EPHB2: variants seen among roughly 807,000 people sequenced by gnomAD.
EPHB2 encodes ephrin type-B receptor 2.
EPHB2 carries 18 observed loss-of-function variants against 96.4 expected under a neutral mutation model. The observed-to-expected ratio is 0.19, with a 90% confidence interval of 0.13 to 0.28. The LOEUF (loss-of-function observed/expected upper bound fraction) is 0.28. Among genes scored for constraint, EPHB2 ranks in the 10% least tolerant of loss-of-function variants. EPHB2 has a pLI of 1.00. For synonymous variants in EPHB2, 506 were observed against 534.1 expected, an observed-to-expected ratio of 0.95 and a Z score of 0.72; for missense variants, 989 against 1,355.4, an observed-to-expected ratio of 0.73 and a Z score of 4.25.
At chr1:22,720,980 C>T (rs1643450596) in intron 1 of EPHB2, among the ~76,000 whole-genome samples, 4 of 152,034 alleles carry the variant, frequency 2.6e-5, no homozygotes, top group Admixed American at 2.6e-4. Flanking sequence ...CCTCATTTTC[C>T]TTATCAGCGA....
At chr1:22,728,224 TACTG>T (rs1643627102) in intron 1 of EPHB2, among the ~76,000 whole-genome samples, 2 of 150,470 alleles carry the variant, frequency 1.3e-5, no homozygotes, top group South Asian at 2.1e-4. Context: ...AGTAAAAAAT[TACTG>T]AATGAATGAA....
chr1:22,758,940 AATGGATGGATGGATGATGG>A (rs982140520), intron 1 of EPHB2, among the ~76,000 whole-genome samples: 18 of 148,638 alleles, frequency 1.2e-4, no homozygotes, highest in Non-Finnish European at 2.4e-4. Flanking sequence ...TGGGTGGATG[AATGGATGGATGGATGATGG>A]ATGGATGGAT....
intron 3 of EPHB2, among the ~76,000 whole-genome samples, chr1:22,811,965 A>G (rs2817873): frequency 0.31 from 47,638 of 151,978 alleles, 9,668 homozygotes; most frequent in African/African-American, 0.58. Flanking sequence ...CTTGAGCCTA[A>G]GAGGTCGAGG....
Position 22,858,995 on chromosome 1 carries a change from C to A in EPHB2, c.812-4042C>A, listed in dbSNP as rs1023834276. Among the ~76,000 whole-genome samples, 6 of 152,016 alleles carry A rather than the reference C, an allele frequency of 3.9e-5. No individual in the cohort carries two copies. The East Asian group carries it at 1.2e-3, about 29-fold the overall frequency. On this transcript the variant is annotated intron_variant, in intron 3 of 15. Coordinates refer to ENST00000374630, the MANE Select transcript of EPHB2 (RefSeq NM_017449.5). The surrounding 1 kb of genome is among the most constrained non-coding windows in gnomAD (Gnocchi z 7.7). ...GGCACTGTATACAAAAAAATTAGCCCGGCGTGGTGGTGCATGCCTGTAATC... is the reference window on the plus strand; with the variant it reads ...GGCACTGTATACAAAAAAATTAGCCAGGCGTGGTGGTGCATGCCTGTAATC...
At chr1:22,754,786 AG>A (rs1435530063) in intron 1 of EPHB2, among the ~76,000 whole-genome samples, 9 of 6,292 alleles carry the variant, frequency 1.4e-3, no homozygotes, top group Non-Finnish European at 2.7e-3. Context: ...AGCAGAAAAG[AG>A]AGGTCGACAG....
chr1:22,892,887 C>T lies in EPHB2; in HGVS notation c.1432C>T (p.Leu478Phe). ...TTTCTTCTCTGTTCCTCGGCAGGAGCTCAGTGAGTACAACGCCACAGCCAT... is the reference window on the plus strand; with the variant it reads ...TTTCTTCTCTGTTCCTCGGCAGGAGTTCAGTGAGTACAACGCCACAGCCAT... ...DYELQYYEKE[L>F]SEYNATAIKS... The change falls in exon 7 of 16, where the codon CTC (leucine) becomes TTC (phenylalanine). Residue 478 changes from leucine (L) to phenylalanine (F), a missense_variant. Physicochemically the swap from Leu to Phe is conservative, Grantham distance 22 (BLOSUM62 0). Coordinates refer to ENST00000374630, the MANE Select transcript of EPHB2 (RefSeq NM_017449.5). The T allele has an allele frequency of 6.2e-7, 1 of 1,614,226 alleles. No individual in the cohort carries two copies. The highest frequency in any genetic ancestry group is 8.5e-7 in the Non-Finnish European group (1 of 1,180,036).
Position 22,913,703 on chromosome 1 carries a change from C to A in EPHB2, c.*133C>A. 1 of 1,601,518 alleles carries A rather than the reference C, an allele frequency of 6.2e-7. No individual in the cohort carries two copies. The highest frequency in any genetic ancestry group is 8.5e-7 in the Non-Finnish European group (1 of 1,174,402). ...GCCACGGGCCACGGGAAGAACCAAG[C>A]GGTGCCAGCCACGAGACGTCACCAA... is the stretch of plus-strand genomic sequence containing the variant. On this transcript the variant is annotated 3_prime_UTR_variant, in exon 16 of 16. Coordinates refer to ENST00000374630, the MANE Select transcript of EPHB2 (RefSeq NM_017449.5). This position sits in a 1 kb window ranked among gnomAD's most constrained non-coding sequence, Gnocchi z 4.1.
At chr1:22,715,634 A>G (rs6695566) in intron 1 of EPHB2, among the ~76,000 whole-genome samples, 77,136 of 152,152 alleles carry the variant, frequency 0.51, 20,348 homozygotes, top group East Asian at 0.92. Context: ...TTGTAGAATC[A>G]GAAAGCCAGT....
Position 22,917,198 on chromosome 1 carries a change from A to G in EPHB2, c.*3628A>G, listed in dbSNP as rs1243735049. On this transcript the variant is annotated 3_prime_UTR_variant, in exon 16 of 16. Coordinates refer to ENST00000374630, the MANE Select transcript of EPHB2 (RefSeq NM_017449.5). The stretch of plus-strand genomic sequence containing the variant: ...ACCATCTAGGGGCTTCTCTGCCACC[A>G]CCTTGTGAGCAGTTGCTAGCCTCAC... 1 of 152,120 alleles carries G rather than the reference A, an allele frequency of 6.6e-6. No individual in the cohort carries two copies. Among genetic ancestry groups the G allele is most frequent in the African/African-American group, 2.4e-5 (1 of 41,384 alleles). 9.4% of individuals were successfully genotyped at this position (152,120 alleles called of 1,614,324 possible).
chr1:22,765,790 C>T (rs1394907290), intron 1 of EPHB2, among the ~76,000 whole-genome samples: 1 of 152,108 alleles, frequency 6.6e-6, no homozygotes, highest in Non-Finnish European at 1.5e-5. Context: ...CCTAAGGCCT[C>T]AGCTCATGAT....
intron 2 of EPHB2, among the ~76,000 whole-genome samples, chr1:22,782,157 G>A (rs1264867017): frequency 6.6e-6 from 1 of 152,168 alleles, no homozygotes; most frequent in African/African-American, 2.4e-5. Flanking sequence ...CACCAGCTGT[G>A]TGATTTGGGG....
chr1:22,770,068 T>G (rs1644357552), intron 1 of EPHB2, among the ~76,000 whole-genome samples: 1 of 151,912 alleles, frequency 6.6e-6, no homozygotes, highest in African/African-American at 2.4e-5. Flanking sequence ...CTGCTTGGAT[T>G]GGGTGATTTG....
At chr1:22,780,063 G>C (rs1644507397) in intron 1 of EPHB2, among the ~76,000 whole-genome samples, 1 of 152,196 alleles carries the variant, frequency 6.6e-6, no homozygotes, top group Non-Finnish European at 1.5e-5. Flanking sequence ...TTCTCTCTCA[G>C]GGCACCCAGT....
At chr1:22,754,868 A>ATG (rs1222789116) in intron 1 of EPHB2, among the ~76,000 whole-genome samples, 14 of 6,406 alleles carry the variant, frequency 2.2e-3, no homozygotes, top group African/African-American at 9.4e-3. Flanking sequence ...GAGGTGAGGC[A>ATG]AGGGGCAGGT....
rs986700582 is a variant in EPHB2 at position 22,920,353 on chromosome 1, C to A, written c.*6783C>A. On this transcript the variant is annotated 3_prime_UTR_variant, in exon 16 of 16. Coordinates refer to ENST00000374630, the MANE Select transcript of EPHB2 (RefSeq NM_017449.5). The stretch of plus-strand genomic sequence containing the variant: ...AGGAAGCTGCAGGGCCAGGAATTTG[C>A]CTTGGGAGACCCCCACTGAGGAATA... 6.6e-6 allele frequency: 1 copy of A among 152,244 alleles called. No individual in the cohort carries two copies. Among genetic ancestry groups the A allele is most frequent in the Non-Finnish European group, 1.5e-5 (1 of 68,088 alleles). 9.4% of individuals were successfully genotyped at this position (152,244 alleles called of 1,614,324 possible).
chr1:22,738,710 C>G (rs1195509402), intron 1 of EPHB2, among the ~76,000 whole-genome samples: 1 of 152,206 alleles, frequency 6.6e-6, no homozygotes, highest in Non-Finnish European at 1.5e-5. Context: ...TTTACTCATT[C>G]CTTGCATTCA....
chr1:22,749,953 T>G lies in EPHB2; in HGVS notation c.62-31468T>G, dbSNP rs139221484. Among the ~76,000 whole-genome samples the G allele has an allele frequency of 4.4e-3, 664 of 152,316 alleles. 4 individuals carry two copies. The highest frequency in any genetic ancestry group is 0.015 in the African/African-American group (634 of 41,570). On this transcript the variant is annotated intron_variant, in intron 1 of 15. Transcript: ENST00000374630. ...CTTTCTTCTCAAATTTTGAATTTAT[T>G]TATAGTAACAACTGTCATTCATTGA...
rs1437579981 is a variant in EPHB2, at chr1:22,921,465, T to C, written c.*7895T>C. 6.6e-6 allele frequency: 1 copy of C among 152,122 alleles called. No homozygotes were observed. The highest frequency in any genetic ancestry group is 1.5e-5 in the Non-Finnish European group (1 of 68,006). 9.4% of individuals were successfully genotyped at this position (152,122 alleles called of 1,614,324 possible). A position where few individuals can be genotyped will look rare whatever the true frequency, so the allele number is the denominator to read the frequency against. ...TGTAGGAGTATTTTTAGCAGAACCG[T>C]TTTTTTCCCAAAATAAATGTGAATT... is the stretch of plus-strand genomic sequence containing the variant. On this transcript the variant is annotated 3_prime_UTR_variant, in exon 16 of 16. Transcript: ENST00000374630.
chr1:22,769,033 A>G (rs1644343873), intron 1 of EPHB2, among the ~76,000 whole-genome samples: 1 of 152,244 alleles, frequency 6.6e-6, no homozygotes, highest in South Asian at 2.1e-4. Context: ...CCCCTTACAG[A>G]CTGTAGGACA....
Sources: gnomAD v4.1 joint callset for allele counts (sites outside exome capture counted in the v4.1 genomes callset) on GRCh38, gnomAD v4.1.1 for gene constraint, Gnocchi (gnomAD v3.1) non-coding constraint, MANE v1.5 for transcripts, NCBI Gene and HGNC (gene_info 2026-07-23, HGNC 2026-07-21) for gene names.